Variants in RBM27 observed in about 807,000 individuals in gnomAD.
The protein encoded by RBM27 is RNA binding motif protein 27.
In RBM27, 22 loss-of-function variants were observed where a neutral mutation model predicts 135.3. The observed-to-expected ratio is 0.16, with a 90% CI of 0.12 to 0.23. RBM27 has a LOEUF of 0.23. Among genes scored for constraint, RBM27 ranks in the 10% least tolerant of loss-of-function variants. The pLI is 1.00. For missense variants in RBM27, 1,009 were observed against 1,281.0 expected (o/e 0.79, Z 3.24); for synonymous variants, 481 against 442.4 (o/e 1.09, Z -1.10).
At chr5:146,248,243 T>C (rs1233833964) in intron 8 of RBM27, among the ~76,000 whole-genome samples, 1 of 151,466 alleles carries the variant, frequency 6.6e-6, no homozygotes, top group East Asian at 1.9e-4. Context: ...AGTTTTTTTT[T>C]TTTTTTTTAA....
At chr5:146,240,487 T>A in intron 8 of RBM27, among the ~76,000 whole-genome samples, 1 of 152,088 alleles carries the variant, frequency 6.6e-6, no homozygotes, top group East Asian at 1.9e-4. Context: ...CCACCACACC[T>A]GGCTAATTTT....
At chr5:146,215,475 G>A (rs1259650667) in intron 1 of RBM27, among the ~76,000 whole-genome samples, 1 of 152,144 alleles carries the variant, frequency 6.6e-6, no homozygotes, top group Admixed American at 6.5e-5. Context: ...ACTCCTTGAA[G>A]GTTCCTATAA....
chr5:146,245,549 A>G (rs1190743366), intron 8 of RBM27, among the ~76,000 whole-genome samples: 1 of 152,200 alleles, frequency 6.6e-6, no homozygotes, highest in Admixed American at 6.5e-5. Context: ...CTTTCCTACT[A>G]ACTGTATAAA....
intron 9 of RBM27, among the ~76,000 whole-genome samples, chr5:146,252,332 T>C (rs1757925665): frequency 6.6e-6 from 1 of 152,250 alleles, no homozygotes; most frequent in Non-Finnish European, 1.5e-5. Flanking sequence ...AAAAACTCTT[T>C]TCTCCTATTG....
At chr5:146,230,277 G>T (rs1320089756) in intron 5 of RBM27, among the ~76,000 whole-genome samples, 2 of 152,208 alleles carry the variant, frequency 1.3e-5, no homozygotes, top group African/African-American at 4.8e-5. Flanking sequence ...AAGGGTGCTT[G>T]AAGTTTATAA....
chr5:146,251,229 C>CT (rs1757871344), intron 8 of RBM27, among the ~76,000 whole-genome samples: 1 of 151,950 alleles, frequency 6.6e-6, no homozygotes, highest in Non-Finnish European at 1.5e-5. Flanking sequence ...ATGTCTTTGT[C>CT]TTTTTTTCTG....
Position 146,229,827 on chromosome 5 carries a change from G to C in RBM27, c.506G>C (p.Ser169Thr), listed in dbSNP as rs1249066016. Residue 169 changes from serine to threonine, a missense_variant, in exon 5 of 21, where the codon AGT becomes ACT. Physicochemically the swap from Ser to Thr is moderately conservative, Grantham distance 58 (BLOSUM62 1). Around this residue, in one of 6 missense-constraint regions of RBM27, gnomAD observed 268 missense variants for 326.6 expected, o/e 0.82. Coordinates refer to ENST00000265271, the MANE Select transcript of RBM27 (RefSeq NM_018989.2). ...GACTGGAGAAGAGGCAGGAGTAAGAGTCGGAGTAAGAGTCGAGGCCTGAGT... is the reference window on the plus strand; with the variant it reads ...GACTGGAGAAGAGGCAGGAGTAAGACTCGGAGTAAGAGTCGAGGCCTGAGT... Reference protein sequence around the residue: ...KYDWRRGRSKSRSKSRGLSRS... With the variant: ...KYDWRRGRSKTRSKSRGLSRS... 6.2e-7 allele frequency: 1 copy of C among 1,613,944 alleles called. No individual in the cohort carries two copies. Among genetic ancestry groups the C allele is most frequent in the African/African-American group, 1.3e-5 (1 of 74,928 alleles).
chr5:146,232,576 T>C (rs1379541521), intron 6 of RBM27, among the ~76,000 whole-genome samples: 1 of 152,056 alleles, frequency 6.6e-6, no homozygotes, highest in Non-Finnish European at 1.5e-5. Flanking sequence ...CTTTTTTTTC[T>C]CTTTTTTTTT....
chr5:146,227,201 C>G (rs1433386542), intron 3 of RBM27, among the ~76,000 whole-genome samples: 2 of 152,194 alleles, frequency 1.3e-5, no homozygotes, highest in Non-Finnish European at 2.9e-5. Flanking sequence ...AGACATGTGC[C>G]ATGATTTATG....
chr5:146,267,398 G>C (rs1758661636), intron 14 of RBM27, among the ~76,000 whole-genome samples: 1 of 152,158 alleles, frequency 6.6e-6, no homozygotes, highest in African/African-American at 2.4e-5. Flanking sequence ...ATGGTCACAG[G>C]AGCACCTTTG....
chr5:146,281,425 C>A (rs1327276652), intron 19 of RBM27, among the ~76,000 whole-genome samples: 1 of 152,132 alleles, frequency 6.6e-6, no homozygotes, highest in African/African-American at 2.4e-5. Context: ...GATTAGCTGA[C>A]AAAAATGTTG....
chr5:146,208,865 A>G (rs1361569995), intron 1 of RBM27, among the ~76,000 whole-genome samples: 1 of 152,202 alleles, frequency 6.6e-6, no homozygotes, highest in African/African-American at 2.4e-5. Flanking sequence ...AAATGTATAA[A>G]TATGTATTAT....
chr5:146,232,045 G>T (rs1756956209), intron 6 of RBM27, among the ~76,000 whole-genome samples: 1 of 152,112 alleles, frequency 6.6e-6, no homozygotes, highest in Non-Finnish European at 1.5e-5. Flanking sequence ...TTTTTATTAT[G>T]GAAGTATTTA....
chr5:146,205,039 C>T lies in RBM27; in HGVS notation c.59+1215C>T, dbSNP rs569103226. On this transcript the variant is annotated intron_variant, in intron 1 of 20. Transcript: ENST00000265271. ...CAGCCTCCCGAGTAGCTGGAACTACCGGCGCGCGCCACCACGCCCAGCTAA... is the reference window on the plus strand; with the variant it reads ...CAGCCTCCCGAGTAGCTGGAACTACTGGCGCGCGCCACCACGCCCAGCTAA... 5.3e-5 allele frequency among the ~76,000 whole-genome samples: 8 copies of T among 152,176 alleles called. No homozygotes were observed. The East Asian group carries it at 1.4e-3, about 26-fold the overall frequency.
At chr5:146,245,172 A>AT (rs1168474405) in intron 8 of RBM27, 282 of 143,206 alleles carry the variant, frequency 2.0e-3, no homozygotes, top group East Asian at 0.015. Flanking sequence ...TGGACCCCTA[A>AT]TTTTTTTTTT....
At chr5:146,218,937 T>G in intron 1 of RBM27, 48 bp from the exon 2 acceptor site, 1 of 1,231,858 alleles carries the variant, frequency 8.1e-7, no homozygotes, top group Non-Finnish European at 1.2e-6. Context: ...CACTACTGTT[T>G]GATAAAAAGT....
chr5:146,204,210 C>T (rs1247136418), intron 1 of RBM27, among the ~76,000 whole-genome samples: 2 of 152,084 alleles, frequency 1.3e-5, no homozygotes, highest in African/African-American at 4.8e-5. Context: ...AAGGGAATAG[C>T]AGAATATCAA....
intron 8 of RBM27, among the ~76,000 whole-genome samples, chr5:146,243,390 G>T (rs1004145235): frequency 1.3e-5 from 2 of 152,188 alleles, no homozygotes; most frequent in African/African-American, 4.8e-5. Context: ...AGCATTCCCA[G>T]TCTGAAATGC....
At chr5:146,211,207 G>A (rs1755926296) in intron 1 of RBM27, among the ~76,000 whole-genome samples, 1 of 152,048 alleles carries the variant, frequency 6.6e-6, no homozygotes, top group African/African-American at 2.4e-5. Context: ...TTGAGCCTGG[G>A]AGGTTGAGGC....
Sources: gnomAD v4.1 joint callset for allele counts (sites outside exome capture counted in the v4.1 genomes callset) on GRCh38, gnomAD v4.1.1 for gene constraint, gnomAD v4.1.1 regional missense constraint, MANE v1.5 for transcripts, NCBI Gene and HGNC (gene_info 2026-07-23, HGNC 2026-07-21) for gene names.